The following KAZN variants were observed in gnomAD, a reference collection of about 807,000 sequenced individuals.
The protein encoded by KAZN is kazrin, periplakin interacting protein.
KAZN carries 40 observed loss-of-function variants against 87.4 expected under a neutral mutation model. The ratio of observed to expected loss-of-function variants is 0.46; its 90% CI spans 0.36 to 0.60. The LOEUF is 0.60. KAZN is among the 20% of genes least tolerant of loss of function. The pLI, the probability that KAZN is intolerant of heterozygous loss-of-function variation, is 0.00. For synonymous variants in KAZN, 466 were observed against 458.3 expected, an observed-to-expected ratio of 1.02 and a Z score of -0.22; for missense variants, 898 against 1,073.9, an observed-to-expected ratio of 0.84 and a Z score of 2.29.
intron 1 of KAZN, among the ~76,000 whole-genome samples, chr1:13,967,888 C>T (rs1642001556): frequency 6.6e-6 from 1 of 152,198 alleles, no homozygotes; most frequent in South Asian, 2.1e-4. Context: ...GCATCTCTCC[C>T]AGGTGGCCTC....
At chr1:14,454,727 C>T (rs1463844480) in intron 2 of KAZN, among the ~76,000 whole-genome samples, 2 of 152,194 alleles carry the variant, frequency 1.3e-5, no homozygotes, top group African/African-American at 2.4e-5. Flanking sequence ...AACAAATAAT[C>T]TCTGGACTGT....
intron 1 of KAZN, among the ~76,000 whole-genome samples, chr1:14,877,658 T>C (rs188759845): frequency 1.3e-5 from 2 of 152,326 alleles, no homozygotes; most frequent in Admixed American, 1.3e-4. Context: ...GACAAGGTTC[T>C]TTCTCCTCTC....
intron 1 of KAZN, among the ~76,000 whole-genome samples, chr1:13,951,237 G>A (rs10927968): frequency 2.0e-5 from 3 of 152,108 alleles, no homozygotes; most frequent in Non-Finnish European, 4.4e-5. Context: ...GCAAGGCATA[G>A]TGTGGTAAGG....
intron 2 of KAZN, among the ~76,000 whole-genome samples, chr1:14,382,395 A>G (rs10927417): frequency 0.64 from 93,275 of 146,532 alleles, 30,247 homozygotes; most frequent in East Asian, 0.83. Context: ...GTATACATGT[A>G]CCATGCTGGT....
chr1:15,029,849 C>T (rs1433520103), intron 2 of KAZN, among the ~76,000 whole-genome samples: 2 of 152,192 alleles, frequency 1.3e-5, no homozygotes, highest in Non-Finnish European at 2.9e-5. Flanking sequence ...GGAGCCCATG[C>T]GACCTGCTGA....
At chr1:14,726,250 A>G (rs1329547760) in intron 1 of KAZN, among the ~76,000 whole-genome samples, 5 of 152,220 alleles carry the variant, frequency 3.3e-5, no homozygotes, top group Non-Finnish European at 7.3e-5. Flanking sequence ...GTGGGCACAG[A>G]CAGCTGGTGC....
intron 2 of KAZN, among the ~76,000 whole-genome samples, chr1:14,527,189 TA>T (rs1400678570): frequency 6.6e-6 from 1 of 152,178 alleles, no homozygotes; most frequent in Non-Finnish European, 1.5e-5. Context: ...TGGAGTCATC[TA>T]AAGACTTCCG....
intron 8 of KAZN, among the ~76,000 whole-genome samples, chr1:15,087,088 C>CCAA (rs1640292564): frequency 6.6e-6 from 1 of 152,198 alleles, no homozygotes; most frequent in Admixed American, 6.5e-5. Context: ...AACTTCCAAA[C>CCAA]CAACGGAGGG....
At chr1:13,944,721 G>A (rs926737241) in intron 1 of KAZN, among the ~76,000 whole-genome samples, 1 of 152,128 alleles carries the variant, frequency 6.6e-6, no homozygotes, top group Admixed American at 6.6e-5. Context: ...ACTAATAGAA[G>A]GGTGAAAAAT....
intron 8 of KAZN, among the ~76,000 whole-genome samples, chr1:15,083,857 G>A (rs1640123872): frequency 6.6e-6 from 1 of 152,162 alleles, no homozygotes; most frequent in Non-Finnish European, 1.5e-5. Flanking sequence ...ATGTAACCAA[G>A]CACAGGCGTT....
At chr1:14,607,732 A>G (rs1044613477) in intron 1 of KAZN, among the ~76,000 whole-genome samples, 4 of 152,060 alleles carry the variant, frequency 2.6e-5, no homozygotes, top group African/African-American at 9.7e-5. Context: ...AGGGGACTTG[A>G]CTTTCCTACC....
chr1:14,568,338 A>T (rs1437505542), intron 2 of KAZN, among the ~76,000 whole-genome samples: 2 of 152,194 alleles, frequency 1.3e-5, no homozygotes, highest in African/African-American at 4.8e-5. Context: ...AGAGGAGAAC[A>T]TAGCTGTATT....
At chr1:14,062,883 C>G (rs1267880158) in intron 1 of KAZN, among the ~76,000 whole-genome samples, 1 of 152,052 alleles carries the variant, frequency 6.6e-6, no homozygotes, top group Non-Finnish European at 1.5e-5. Flanking sequence ...ATATGTGAAC[C>G]CAGTTAATAG....
chr1:14,538,541 G>A (rs1255025465), intron 2 of KAZN, among the ~76,000 whole-genome samples: 1 of 152,182 alleles, frequency 6.6e-6, no homozygotes, highest in African/African-American at 2.4e-5. Flanking sequence ...GGTGGAAGGT[G>A]AGAAGGACAG....
At chr1:13,972,812 C>T (rs1202481671) in intron 1 of KAZN, among the ~76,000 whole-genome samples, 6 of 152,176 alleles carry the variant, frequency 3.9e-5, no homozygotes, top group Non-Finnish European at 8.8e-5. Flanking sequence ...AAGTAATTTC[C>T]TTTCAGTTAA....
intron 2 of KAZN, among the ~76,000 whole-genome samples, chr1:14,187,926 A>G (rs184757096): frequency 4.2e-4 from 64 of 152,152 alleles, no homozygotes; most frequent in African/African-American, 1.4e-3. Flanking sequence ...TCCTTTTTCT[A>G]TTGAGCATCT....
chr1:14,647,831 C>T (rs76000149), intron 1 of KAZN, among the ~76,000 whole-genome samples: 25 of 152,322 alleles, frequency 1.6e-4, no homozygotes, highest in Non-Finnish European at 3.4e-4. Flanking sequence ...CGCACCTTAA[C>T]CCCCTAAAGG....
At chr1:14,359,265 T>A (rs1038554109) in intron 2 of KAZN, among the ~76,000 whole-genome samples, 2 of 152,144 alleles carry the variant, frequency 1.3e-5, no homozygotes, top group Admixed American at 6.5e-5. Flanking sequence ...TCTTTTTTTT[T>A]CCTTCTCCTT....
At chr1:13,987,337 A>G (rs918721045) in intron 1 of KAZN, among the ~76,000 whole-genome samples, 19 of 151,892 alleles carry the variant, frequency 1.3e-4, no homozygotes, top group African/African-American at 4.4e-4. Context: ...CTACCCCTCA[A>G]CAGAACCCAG....
Sources: allele counts gnomAD v4.1 joint callset (sites outside exome capture counted in the v4.1 genomes callset), GRCh38; gene constraint gnomAD v4.1.1; transcripts MANE v1.5; gene names NCBI Gene and HGNC (gene_info 2026-07-23, HGNC 2026-07-21).